LPP: variants seen among roughly 807,000 people sequenced by gnomAD.
LPP encodes lipoma-preferred partner.
Under a neutral mutation model 60.4 loss-of-function variants are expected in LPP, and 38 were observed. The ratio of observed to expected loss-of-function variants is 0.63; its 90% CI spans 0.49 to 0.83. The LOEUF is 0.83. LPP is among the 40% of genes least tolerant of loss of function. The pLI is 0.00. For synonymous variants in LPP, 328 were observed against 290.8 expected (o/e 1.13, Z -1.30); for missense variants, 902 against 783.6 (o/e 1.15, Z -1.80).
intron 6 of LPP, among the ~76,000 whole-genome samples, chr3:188,577,787 TC>T (rs1304433887): frequency 9.6e-5 from 13 of 135,210 alleles, no homozygotes; most frequent in East Asian, 7.1e-4. Context: ...CTTCTGTCCT[TC>T]CCTTCCCTCC....
At chr3:188,627,159 C>T (rs1263180018) in intron 7 of LPP, among the ~76,000 whole-genome samples, 2 of 152,114 alleles carry the variant, frequency 1.3e-5, no homozygotes, top group Admixed American at 1.3e-4. Context: ...GAATGATAAG[C>T]ATGAAAGACT....
rs142179383 is a variant in LPP, at chr3:188,323,519, C to T, written c.-66-18144C>T. Among the ~76,000 whole-genome samples, 389 of 152,208 alleles carry T rather than the reference C, an allele frequency of 2.6e-3. 2 individuals carry two copies. Among genetic ancestry groups the T allele is most frequent in the African/African-American group, 8.6e-3 (359 of 41,536 alleles). On this transcript the variant is annotated intron_variant, in intron 2 of 11. Coordinates refer to ENST00000617246, the MANE Select transcript of LPP (RefSeq NM_001375462.1). ...TTGCAAAGCAGTAGCAGAATAAAGT[C>T]GAGGGTAAACAGAGGCCATGGAAAA...
intron 9 of LPP, among the ~76,000 whole-genome samples, chr3:188,760,956 T>TA (rs1404574527): frequency 1.3e-5 from 2 of 152,228 alleles, no homozygotes; most frequent in Non-Finnish European, 2.9e-5. Flanking sequence ...TCAGTCATGT[T>TA]ACCTTAGCGT....
chr3:188,818,048 A>G (rs78244695), intron 9 of LPP, among the ~76,000 whole-genome samples: 1 of 152,314 alleles, frequency 6.6e-6, no homozygotes, highest in East Asian at 1.9e-4. Flanking sequence ...CTGTAGGTCT[A>G]CAAGTTACTA....
intron 8 of LPP, among the ~76,000 whole-genome samples, chr3:188,744,414 G>A (rs1198965509): frequency 1.3e-5 from 2 of 152,154 alleles, no homozygotes; most frequent in Non-Finnish European, 2.9e-5. Flanking sequence ...TCCCCTTCCC[G>A]CAACTGCACT....
At chr3:188,204,456 G>A (rs1014739762) in intron 1 of LPP, among the ~76,000 whole-genome samples, 1 of 152,100 alleles carries the variant, frequency 6.6e-6, no homozygotes, top group Non-Finnish European at 1.5e-5. Context: ...GGAGTAGCGG[G>A]GGGTGATTCT....
intron 1 of LPP, among the ~76,000 whole-genome samples, chr3:188,189,891 G>C (rs1449481198): frequency 6.6e-6 from 1 of 151,968 alleles, no homozygotes; most frequent in Non-Finnish European, 1.5e-5. Context: ...CAAGCGAAGA[G>C]GGGTGATTGA....
At chr3:188,304,113 T>C (rs533930801) in intron 2 of LPP, among the ~76,000 whole-genome samples, 1 of 152,324 alleles carries the variant, frequency 6.6e-6, no homozygotes, top group East Asian at 1.9e-4. Flanking sequence ...ATTGTAGTCA[T>C]ATAAATTATA....
chr3:188,716,003 A>G (rs1472908750), intron 8 of LPP, among the ~76,000 whole-genome samples: 1 of 151,984 alleles, frequency 6.6e-6, no homozygotes, highest in Non-Finnish European at 1.5e-5. Flanking sequence ...TTCCTTCTTT[A>G]AAAAAAAGCA....
intron 2 of LPP, among the ~76,000 whole-genome samples, chr3:188,337,777 GGCACGAACCATCGT>G (rs1762059613): frequency 1.3e-5 from 2 of 152,144 alleles, no homozygotes; most frequent in Non-Finnish European, 2.9e-5. Flanking sequence ...CGGGACTACA[GGCACGAACCATCGT>G]GCCTGGCCCA....
intron 1 of LPP, among the ~76,000 whole-genome samples, chr3:188,168,039 T>C (rs748917487): frequency 3.3e-5 from 5 of 152,268 alleles, no homozygotes; most frequent in African/African-American, 4.8e-5. Context: ...AGAAATAGTC[T>C]GGGCTGAAGA....
At position 188,860,523 on chromosome 3, in the gene LPP, T is replaced by C. The variant is rs867067924; in HGVS notation, c.1411-5677T>C. On this transcript the variant is annotated intron_variant, in intron 9 of 11. Transcript: ENST00000617246. The stretch of plus-strand genomic sequence containing the variant: ...CAACCGCTCAGGAACTCTGGACACC[T>C]CTGGTCCTTCCGAATCCTCCCAAAT... Among the ~76,000 whole-genome samples, 7 of 152,266 alleles carry C rather than the reference T, an allele frequency of 4.6e-5. No individual in the cohort carries two copies. The South Asian group carries it at 1.2e-3, about 27-fold the overall frequency.
chr3:188,693,117 C>G (rs1418140713), intron 7 of LPP, among the ~76,000 whole-genome samples: 2 of 152,132 alleles, frequency 1.3e-5, no homozygotes, highest in African/African-American at 2.4e-5. Context: ...ACATGAAACT[C>G]ATTTTATTCT....
intron 7 of LPP, among the ~76,000 whole-genome samples, chr3:188,699,253 C>T (rs550653692): frequency 7.2e-4 from 110 of 152,234 alleles, no homozygotes; most frequent in African/African-American, 2.3e-3. Flanking sequence ...CACGTGGAGA[C>T]GGAGAGAGGT....
At chr3:188,603,696 G>T (rs1240129040) in intron 6 of LPP, among the ~76,000 whole-genome samples, 1 of 152,128 alleles carries the variant, frequency 6.6e-6, no homozygotes, top group East Asian at 1.9e-4. Flanking sequence ...CTGCCACAGG[G>T]ATGTCCAGAC....
chr3:188,547,978 T>C (rs898437518), intron 6 of LPP, among the ~76,000 whole-genome samples: 9 of 152,296 alleles, frequency 5.9e-5, no homozygotes, highest in Non-Finnish European at 4.4e-5. Context: ...TTATTACCTA[T>C]GTCTAACCTT....
intron 7 of LPP, among the ~76,000 whole-genome samples, chr3:188,664,637 G>GT (rs1560031258): frequency 5.3e-5 from 8 of 151,624 alleles, no homozygotes; most frequent in South Asian, 2.1e-4. Flanking sequence ...GTGTGTGTGT[G>GT]GAGAGAGAGA....
chr3:188,486,078 T>A lies in LPP; in HGVS notation c.306+1374T>A, dbSNP rs533453153. 2.0e-5 allele frequency among the ~76,000 whole-genome samples: 3 copies of A among 152,298 alleles called. No homozygotes were observed. In the South Asian group the frequency reaches 6.2e-4, roughly 32 times the overall value. On this transcript the variant is annotated intron_variant, in intron 5 of 11. Transcript: ENST00000617246. ...TTGTAGCTACAAGTAGGATATGTAT[T>A]TATGGCATACATGAGATATTTTGAT...
At chr3:188,635,515 A>C (rs569327503) in intron 7 of LPP, among the ~76,000 whole-genome samples, 2 of 152,312 alleles carry the variant, frequency 1.3e-5, no homozygotes, top group South Asian at 4.1e-4. Flanking sequence ...CCATGTGAGA[A>C]ATGAACGTGT....
Sources: gnomAD v4.1 joint callset for allele counts (sites outside exome capture counted in the v4.1 genomes callset) on GRCh38, gnomAD v4.1.1 for gene constraint, MANE v1.5 for transcripts, NCBI Gene and HGNC (gene_info 2026-07-23, HGNC 2026-07-21) for gene names.